ATG7: variants seen among roughly 807,000 people sequenced by gnomAD.
ATG7 encodes ubiquitin-like modifier-activating enzyme ATG7.
In ATG7, 70 loss-of-function variants were observed where a neutral mutation model predicts 82.4. The ratio of observed to expected loss-of-function variants is 0.85; its 90% CI spans 0.70 to 1.04. The LOEUF (loss-of-function observed/expected upper bound fraction) is 1.04. Ranked by LOEUF, ATG7 falls within the 50% of genes least tolerant of loss-of-function variation. The probability of loss-of-function intolerance (pLI) is 0.00; values close to 1 mark genes in which losing one functional copy is unlikely to be tolerated. For missense variants in ATG7, 792 were observed against 864.3 expected (o/e 0.92, Z 1.05); for synonymous variants, 287 against 313.0 (o/e 0.92, Z 0.88).
At chr3:11,303,153 G>A (rs1947054407) in intron 5 of ATG7, among the ~76,000 whole-genome samples, 1 of 152,194 alleles carries the variant, frequency 6.6e-6, no homozygotes, top group Admixed American at 6.5e-5. Flanking sequence ...GTGCAAACAG[G>A]TGGAAGAGAC....
chr3:11,409,404 G>C (rs900481619), intron 19 of ATG7, among the ~76,000 whole-genome samples: 4 of 152,234 alleles, frequency 2.6e-5, no homozygotes, highest in Non-Finnish European at 5.9e-5. Context: ...ACTCTATGTT[G>C]CACTGTGTTG....
intron 3 of ATG7, among the ~76,000 whole-genome samples, chr3:11,285,932 G>A (rs192536628): frequency 2.0e-5 from 3 of 152,150 alleles, no homozygotes; most frequent in African/African-American, 4.8e-5. Flanking sequence ...CAGCTGTCAC[G>A]TCTTTGTGGT....
chr3:11,408,498 G>T (rs954413601), intron 19 of ATG7, among the ~76,000 whole-genome samples: 1 of 152,114 alleles, frequency 6.6e-6, no homozygotes, highest in Admixed American at 6.5e-5. Context: ...CCTGGTACCA[G>T]ATTACTGGAT....
chr3:11,360,724 C>T lies in ATG7; in HGVS notation c.1623C>T (p.Ala541=). 6.2e-7 allele frequency: 1 copy of T among 1,614,168 alleles called. No homozygotes were observed. The highest frequency in any genetic ancestry group is 8.5e-7 in the Non-Finnish European group (1 of 1,180,020). ...ACCTCCTGGGCTCATCGCTTTTTGCCAACATCCCTGGTTACAAGCTTGGCT... is the reference window on the plus strand; with the variant it reads ...ACCTCCTGGGCTCATCGCTTTTTGCTAACATCCCTGGTTACAAGCTTGGCT... ...SADLLGSSLF[A]NIPGYKLGCY... Residue 541 remains alanine (A), a synonymous_variant, in exon 16 of 21, where the codon GCC becomes GCT. Transcript: ENST00000693202.
intron 6 of ATG7, among the ~76,000 whole-genome samples, chr3:11,307,404 A>C (rs1947927691): frequency 6.6e-6 from 1 of 152,100 alleles, no homozygotes; most frequent in Admixed American, 6.5e-5. Context: ...GCCTCTAGGC[A>C]CTCTGTTTAT....
At chr3:11,564,853 C>T in the ATG7 span, 4 of 1,606,788 alleles carry the variant, frequency 2.5e-6, no homozygotes, top group South Asian at 4.4e-5. Flanking sequence ...CTGCTGGCGT[C>T]CAGGCTGTTC....
chr3:11,370,440 AT>A (rs2076918916), intron 18 of ATG7, among the ~76,000 whole-genome samples: 1 of 151,138 alleles, frequency 6.6e-6, no homozygotes, highest in African/African-American at 2.4e-5. Context: ...TACACTCTCC[AT>A]TTTGGCATTG....
At chr3:11,569,387 C>T in the ATG7 span, among the ~76,000 whole-genome samples, 2 of 152,172 alleles carry the variant, frequency 1.3e-5, no homozygotes, top group Non-Finnish European at 2.9e-5. Flanking sequence ...GGCAGGTGCT[C>T]CCACCCAGTG....
rs55855960 is a variant in ATG7 at position 11,374,892 on chromosome 3, C to CA, written c.1876-5051dup. 6.0e-3 allele frequency among the ~76,000 whole-genome samples: 441 copies of CA among 73,498 alleles called. 26 individuals are homozygous for CA. Among genetic ancestry groups the CA allele is most frequent in the African/African-American group, 0.021 (341 of 16,418 alleles). The allele number at this position is 73,498 out of a possible 152,430, so 48.2% of individuals were successfully genotyped here. ...ACACTCCAGCCTGGGCAACAGAGCT[C>CA]AAAAAAAAAAAAAAAAAAAAAAAAA... is the stretch of plus-strand genomic sequence containing the variant. On this transcript the variant is annotated intron_variant, in intron 18 of 20. Coordinates refer to ENST00000693202, the MANE Select transcript of ATG7 (RefSeq NM_001349232.2).
At chr3:11,547,465 C>G (rs78309102) in intron 20 of ATG7, among the ~76,000 whole-genome samples, 5,161 of 152,240 alleles carry the variant, frequency 0.034, 280 homozygotes, top group African/African-American at 0.11. Flanking sequence ...GAATACTTTC[C>G]TATGAATACT....
chr3:11,374,274 A>G (rs2077230217), intron 18 of ATG7, among the ~76,000 whole-genome samples: 1 of 152,240 alleles, frequency 6.6e-6, no homozygotes, highest in African/African-American at 2.4e-5. Context: ...AGATCAATGG[A>G]AAGAATTGAG....
Position 11,298,651 on chromosome 3 carries a change from G to C in ATG7, c.-10-35G>C. On this transcript the variant is annotated intron_variant, in intron 3 of 20. Coordinates refer to ENST00000693202, the MANE Select transcript of ATG7 (RefSeq NM_001349232.2). ...TTCTCACCAGGTTTTGCATGGATAT[G>C]TTATTTTGCTGTGTTCTGTTTTGTT... The C allele has an allele frequency of 1.9e-6, 3 of 1,586,572 alleles. No homozygotes were observed. The South Asian group carries it at 3.4e-5, about 18-fold the overall frequency.
chr3:11,472,980 G>A (rs1216682138), intron 20 of ATG7, among the ~76,000 whole-genome samples: 2 of 152,154 alleles, frequency 1.3e-5, no homozygotes, highest in Non-Finnish European at 2.9e-5. Context: ...TTTTTCAGGA[G>A]CATACTTTCC....
At position 11,352,870 on chromosome 3, in the gene ATG7, G is replaced by A. The variant is rs146391798; in HGVS notation, c.1284+4835G>A. Among the ~76,000 whole-genome samples, 719 of 152,298 alleles carry A rather than the reference G, an allele frequency of 4.7e-3. 9 individuals carry two copies. Among genetic ancestry groups the A allele is most frequent in the African/African-American group, 0.016 (661 of 41,560 alleles). ...GATCAGAAGAGGTCTTGAGGAGGGA[G>A]GCAAGGACCAGAGAGTGGTGGGAAA... On this transcript the variant is annotated intron_variant, in intron 14 of 20. Transcript: ENST00000693202.
chr3:11,347,954 T>G lies in ATG7; in HGVS notation c.1203T>G (p.Tyr401Ter). ...SYSNPVRQPLYEFEDCLGGGK... is the reference protein window; with the variant it reads ...SYSNPVRQPL ...CCAATCCTGTGAGGCAGCCTCTCTA[T>G]GAGTTTGAAGATTGCCTAGGGGGTG... is the stretch of plus-strand genomic sequence containing the variant. Residue 401 changes from tyrosine to a stop codon, truncating the protein, a stop_gained, in exon 14 of 21, where the codon TAT becomes TAG. Transcript: ENST00000693202. LOFTEE classifies it high-confidence loss of function. 1.2e-6 allele frequency: 2 copies of G among 1,614,176 alleles called. No individual in the cohort carries two copies. The highest frequency in any genetic ancestry group is 1.7e-6 in the Non-Finnish European group (2 of 1,180,006).
At chr3:11,520,182 C>G (rs1177278672) in intron 20 of ATG7, among the ~76,000 whole-genome samples, 1 of 152,190 alleles carries the variant, frequency 6.6e-6, no homozygotes, top group African/African-American at 2.4e-5. Context: ...AGTCACACAG[C>G]TAAAAGATGG....
chr3:11,360,222 T>G (rs2076202165), intron 15 of ATG7, among the ~76,000 whole-genome samples: 1 of 152,212 alleles, frequency 6.6e-6, no homozygotes, highest in African/African-American at 2.4e-5. Context: ...ATTTTTTGTA[T>G]TTTTAATAGA....
chr3:11,496,080 T>C (rs569530932), intron 20 of ATG7, among the ~76,000 whole-genome samples: 1 of 152,108 alleles, frequency 6.6e-6, no homozygotes, highest in Non-Finnish European at 1.5e-5. Context: ...AGTGACACAG[T>C]GAGAGTGGGT....
At chr3:11,567,296 C>A in the ATG7 span, among the ~76,000 whole-genome samples, 2 of 152,232 alleles carry the variant, frequency 1.3e-5, no homozygotes, top group Non-Finnish European at 1.5e-5. Flanking sequence ...CCTCAGTGAG[C>A]GCCAAGAGAA....
Sources: allele counts gnomAD v4.1 joint callset (sites outside exome capture counted in the v4.1 genomes callset), GRCh38; gene constraint gnomAD v4.1.1; transcripts MANE v1.5; gene names NCBI Gene and HGNC (gene_info 2026-07-23, HGNC 2026-07-21).